CTTNBP2: variants seen among roughly 807,000 people sequenced by gnomAD.
The protein encoded by CTTNBP2 is cortactin-binding protein 2.
In CTTNBP2, 108 loss-of-function variants were observed where a neutral mutation model predicts 156.9. That is an observed-to-expected ratio of 0.69 (90% CI 0.59 to 0.81). The LOEUF is 0.81. Among genes scored for constraint, CTTNBP2 ranks in the 30% least tolerant of loss-of-function variants. The probability of loss-of-function intolerance (pLI) is 0.00; values close to 1 mark genes in which losing one functional copy is unlikely to be tolerated. For missense variants in CTTNBP2, 1,924 were observed against 2,035.4 expected (o/e 0.95, Z 1.05); for synonymous variants, 767 against 751.8 (o/e 1.02, Z -0.33).
intron 1 of CTTNBP2, among the ~76,000 whole-genome samples, chr7:117,865,924 A>G (rs1804161202): frequency 6.8e-6 from 1 of 148,062 alleles, no homozygotes; most frequent in South Asian, 2.1e-4. Flanking sequence ...TATTATATAT[A>G]ATTTATTTAA....
intron 12 of CTTNBP2, among the ~76,000 whole-genome samples, chr7:117,753,493 T>A (rs996550987): frequency 6.6e-6 from 1 of 152,150 alleles, no homozygotes; most frequent in Non-Finnish European, 1.5e-5. Flanking sequence ...AGCAATGACA[T>A]GGAATCAATC....
In CTTNBP2 at chr7:117,777,494, G is replaced by A. The variant is rs1274451886; in HGVS notation, c.2778+17C>T. The A allele has an allele frequency of 4.4e-6, 7 of 1,607,640 alleles. No homozygotes were observed. The East Asian group carries it at 1.6e-4, about 36-fold the overall frequency. The stretch of plus-strand genomic sequence containing the variant: ...AAATTACAGCTGCATGATGAGGCCA[G>A]CTGCTACCAGACACACCTTAAAACC... On this transcript the variant is annotated intron_variant, in intron 8 of 22. Coordinates refer to ENST00000160373, the MANE Select transcript of CTTNBP2 (RefSeq NM_033427.3).
At chr7:117,791,007 T>A in intron 4 of CTTNBP2, 121 bp downstream of exon 4, 2 of 749,146 alleles carry the variant, frequency 2.7e-6, no homozygotes, top group Non-Finnish European at 2.1e-6. Flanking sequence ...AGAAAAGAAA[T>A]GGGGGTGGGG....
chr7:117,746,595 C>T (rs534357158), intron 12 of CTTNBP2, among the ~76,000 whole-genome samples: 1 of 152,052 alleles, frequency 6.6e-6, no homozygotes. Context: ...TGTTTCCTTC[C>T]AGTTTTTTCT....
chr7:117,722,510 CA>C (rs1323078532), intron 19 of CTTNBP2, among the ~76,000 whole-genome samples: 1 of 152,028 alleles, frequency 6.6e-6, no homozygotes, highest in African/African-American at 2.4e-5. Flanking sequence ...CATTTGATAT[CA>C]AATAGTTCTA....
At chr7:117,761,661 T>C (rs555804028) in intron 9 of CTTNBP2, among the ~76,000 whole-genome samples, 1 of 152,312 alleles carries the variant, frequency 6.6e-6, no homozygotes, top group Admixed American at 6.5e-5. Context: ...AGAAATGGTT[T>C]AATAATCTCT....
At chr7:117,861,067 T>G in intron 2 of CTTNBP2, 142 bp downstream of exon 2, 1 of 618,286 alleles carries the variant, frequency 1.6e-6, no homozygotes, top group Non-Finnish European at 2.9e-6. Context: ...TGGGTTAGTG[T>G]TTGGGGTGAA....
intron 8 of CTTNBP2, among the ~76,000 whole-genome samples, chr7:117,770,855 C>T (rs1391778638): frequency 1.3e-5 from 2 of 152,130 alleles, no homozygotes; most frequent in Non-Finnish European, 2.9e-5. Flanking sequence ...AATAGAGTCC[C>T]GGGGGCCCTA....
intron 2 of CTTNBP2, among the ~76,000 whole-genome samples, chr7:117,847,570 G>A (rs558753632): frequency 1.3e-5 from 2 of 152,246 alleles, no homozygotes; most frequent in South Asian, 4.1e-4. Context: ...GTTGATTAGA[G>A]AAAATAACTA....
intron 9 of CTTNBP2, among the ~76,000 whole-genome samples, chr7:117,765,690 C>G (rs577516679): frequency 6.6e-6 from 1 of 152,186 alleles, no homozygotes; most frequent in South Asian, 2.1e-4. Context: ...CCATTTCCCT[C>G]TCCTCCACCC....
rs751833795 is a variant in CTTNBP2, at chr7:117,792,021, G to A, written c.1175C>T (p.Pro392Leu). Residue 392 changes from proline (P) to leucine (L), a missense_variant, in exon 4 of 23, where the codon CCA (proline) becomes CTA (leucine). Transcript: ENST00000160373. The surrounding 1 kb of genome is among the most constrained non-coding windows in gnomAD (Gnocchi z 4.2). Reference protein sequence around the residue: ...EENGPSTGSTPDPTSSTPPLP... With the variant: ...EENGPSTGSTLDPTSSTPPLP... ...TGGGGGTGTGCTACTGGTTGGATCTGGTGTTGAGCCAGTGCTTGGTCCATT... is the reference window on the plus strand; with the variant it reads ...TGGGGGTGTGCTACTGGTTGGATCTAGTGTTGAGCCAGTGCTTGGTCCATT... 6.2e-7 allele frequency: 1 copy of A among 1,614,104 alleles called. No homozygotes were observed. The highest frequency in any genetic ancestry group is 8.5e-7 in the Non-Finnish European group (1 of 1,180,018).
chr7:117,827,455 C>T (rs990027434), intron 2 of CTTNBP2, among the ~76,000 whole-genome samples: 8 of 152,110 alleles, frequency 5.3e-5, no homozygotes, highest in African/African-American at 1.9e-4. Context: ...TGTGTTTAAT[C>T]GTCTAGGACA....
At chr7:117,720,292 G>A (rs1464032084) in intron 20 of CTTNBP2, among the ~76,000 whole-genome samples, 3 of 152,012 alleles carry the variant, frequency 2.0e-5, no homozygotes, top group Admixed American at 2.0e-4. Context: ...GCTATCATGG[G>A]GACCTATTTA....
At chr7:117,811,037 C>G in intron 2 of CTTNBP2, 48 bp from the exon 3 acceptor site, 2 of 1,369,508 alleles carry the variant, frequency 1.5e-6, no homozygotes, top group South Asian at 1.2e-5. Flanking sequence ...TGAAAATATA[C>G]AGAAAGATAT....
chr7:117,801,998 C>T (rs1385667577), intron 3 of CTTNBP2, among the ~76,000 whole-genome samples: 3 of 151,494 alleles, frequency 2.0e-5, no homozygotes, highest in South Asian at 4.2e-4. Flanking sequence ...TGCTGGTGCG[C>T]TGCACCCACT....
intron 2 of CTTNBP2, among the ~76,000 whole-genome samples, chr7:117,858,453 C>T (rs576801469): frequency 7.2e-5 from 11 of 152,220 alleles, no homozygotes; most frequent in Non-Finnish European, 1.6e-4. Context: ...TGAAAATGAA[C>T]TGGAAGCTCT....
intron 3 of CTTNBP2, among the ~76,000 whole-genome samples, chr7:117,798,246 A>T (rs1046065513): frequency 6.6e-6 from 1 of 152,168 alleles, no homozygotes; most frequent in Non-Finnish European, 1.5e-5. Context: ...ATCTGAAAAC[A>T]CTATAAAAAT....
chr7:117,781,615 G>A (rs1303862512), intron 6 of CTTNBP2, among the ~76,000 whole-genome samples: 1 of 152,226 alleles, frequency 6.6e-6, no homozygotes, highest in African/African-American at 2.4e-5. Flanking sequence ...GCGTACACCT[G>A]TAGTCCCAGC....
intron 14 of CTTNBP2, among the ~76,000 whole-genome samples, chr7:117,741,106 T>C (rs1442871159): frequency 1.3e-5 from 2 of 152,210 alleles, no homozygotes; most frequent in Non-Finnish European, 2.9e-5. Context: ...AGCCCCCAGA[T>C]GCCTTGTGGA....
Sources: allele counts gnomAD v4.1 joint callset (sites outside exome capture counted in the v4.1 genomes callset), GRCh38; gene constraint gnomAD v4.1.1; non-coding constraint Gnocchi (gnomAD v3.1); transcripts MANE v1.5; gene names NCBI Gene and HGNC (gene_info 2026-07-23, HGNC 2026-07-21).